The following CTSB variants were observed in gnomAD, a reference collection of about 807,000 sequenced individuals.
The protein encoded by CTSB is APP secretase.
Under a neutral mutation model 44.3 loss-of-function variants are expected in CTSB, and 57 were observed. The ratio of observed to expected loss-of-function variants is 1.29; its 90% CI spans 1.04 to 1.60. The LOEUF is 1.60. Among genes scored for constraint, CTSB ranks in the 40% most tolerant of loss-of-function variants. The pLI is 0.00. For synonymous variants in CTSB, 320 were observed against 168.0 expected (o/e 1.91, Z -7.00); for missense variants, 768 against 443.0 (o/e 1.73, Z -6.59).
In CTSB at chr8:11,845,769, C is replaced by A. The variant is rs756929729; in HGVS notation, c.814G>T (p.Gly272Ter). The A allele has an allele frequency of 1.9e-6, 3 of 1,613,800 alleles. No homozygotes were observed. The highest frequency in any genetic ancestry group is 1.3e-5 in the African/African-American group (1 of 74,912). ...ATGGCATGGCCACCCATCATCTCTCCGGTGACGTGTTGGTACACTCCTGAA... is the reference window on the plus strand; with the variant it reads ...ATGGCATGGCCACCCATCATCTCTCAGGTGACGTGTTGGTACACTCCTGAA... ...YKSGVYQHVT[G>*]EMMGGHAIRI... is the part of the protein sequence containing the mutation. Residue 272 changes from glycine to a stop codon, truncating the protein, a stop_gained, in exon 9 of 10, where the codon GGA becomes TGA. Transcript: ENST00000353047. LOFTEE classifies it high-confidence loss of function.
rs755324196 is a variant in CTSB, at chr8:11,845,655, A to G, written c.922+6T>C. ...TGTTCTTGGCAGGAAGGGGGCAGCC[A>G]CTCACCATTGTCACCCCAGTCAGTG... On this transcript the variant is annotated splice_donor_region_variant and intron_variant, in intron 9 of 9. Coordinates refer to ENST00000353047, the MANE Select transcript of CTSB (RefSeq NM_001908.5). 6.2e-7 allele frequency: 1 copy of G among 1,611,750 alleles called. No individual in the cohort carries two copies. The highest frequency in any genetic ancestry group is 8.5e-7 in the Non-Finnish European group (1 of 1,178,318).
intron 1 of CTSB, among the ~76,000 whole-genome samples, chr8:11,856,094 T>G (rs1051676883): frequency 6.6e-6 from 1 of 151,948 alleles, no homozygotes; most frequent in Non-Finnish European, 1.5e-5. Context: ...AAGGAGGTAT[T>G]CAGCATGTAT....
At chr8:11,846,623 A>T (rs533246584) in intron 8 of CTSB, among the ~76,000 whole-genome samples, 1 of 152,218 alleles carries the variant, frequency 6.6e-6, no homozygotes, top group Non-Finnish European at 1.5e-5. Context: ...AGGCCTTTGC[A>T]AAGAGAAAGA....
Position 11,852,628 on chromosome 8 carries a change from C to A in CTSB, c.194G>T (p.Gly65Val). The change falls in exon 3 of 10, where the codon GGG (glycine) becomes GTG (valine). Residue 65 changes from glycine (G) to valine (V), a missense_variant. Coordinates refer to ENST00000353047, the MANE Select transcript of CTSB (RefSeq NM_001908.5). ...LKRLCGTFLGGPKPPQRVMFT... is the reference protein window; with the variant it reads ...LKRLCGTFLGVPKPPQRVMFT... ...CACTCACCTCTGGGGTGGCTTGGGC[C>A]CACCCAGGAAGGTACCACATAGCCT... 6.2e-7 allele frequency: 1 copy of A among 1,613,822 alleles called. No homozygotes were observed. The highest frequency in any genetic ancestry group is 8.5e-7 in the Non-Finnish European group (1 of 1,179,988).
chr8:11,856,365 C>T (rs922935164), intron 1 of CTSB, among the ~76,000 whole-genome samples: 24 of 152,060 alleles, frequency 1.6e-4, no homozygotes, highest in African/African-American at 5.3e-4. Flanking sequence ...GGCACGGTGG[C>T]GCATGCCTGT....
chr8:11,848,103 CT>C lies in CTSB; in HGVS notation c.495del (p.Gly166AlafsTer12), dbSNP rs1813792144. ...PAEAWNFWTR[K>X]GLVSGGLYES... ...TCATAGAGGCCACCAGAAACCAGGC[CT>C]TTTCTTGTCCAGAAGTTCCAAGCTT... On this transcript the variant is annotated frameshift_variant, in exon 6 of 10. Transcript: ENST00000353047. LOFTEE classifies it high-confidence loss of function. 6.2e-7 allele frequency: 1 copy of C among 1,614,050 alleles called. No homozygotes were observed. The highest frequency in any genetic ancestry group is 1.1e-5 in the South Asian group (1 of 91,092).
chr8:11,866,266 G>A (rs1293309), intron 1 of CTSB, among the ~76,000 whole-genome samples: 39,367 of 152,100 alleles, frequency 0.26, 6,098 homozygotes, highest in East Asian at 0.47. Context: ...AGCACCACAT[G>A]GGCAGTTTCA....
At chr8:11,849,371 C>G (rs1207878404) in intron 4 of CTSB, 1 of 399,912 alleles carries the variant, frequency 2.5e-6, no homozygotes, top group Non-Finnish European at 4.8e-6. Context: ...GTCTTGAACT[C>G]CCGGGTTCAA....
intron 9 of CTSB, 43 bp downstream of exon 9, chr8:11,845,618 C>T: frequency 6.3e-7 from 1 of 1,598,350 alleles, no homozygotes; most frequent in Non-Finnish European, 8.6e-7. Context: ...CGGGGTGTGG[C>T]TCACAATTCA....
intron 1 of CTSB, chr8:11,862,290 C>G (rs1279064217): frequency 6.6e-6 from 1 of 152,060 alleles, no homozygotes; most frequent in African/African-American, 2.4e-5. Flanking sequence ...GAACAGATAC[C>G]CATCTCGCAA....
chr8:11,865,874 G>T (rs1429142573), intron 1 of CTSB, among the ~76,000 whole-genome samples: 1 of 149,722 alleles, frequency 6.7e-6, no homozygotes, highest in African/African-American at 2.5e-5. Flanking sequence ...AAAAAGCCAG[G>T]TGTGGTGATG....
At chr8:11,849,505 A>G (rs993530326) in intron 4 of CTSB, 7 of 181,382 alleles carry the variant, frequency 3.9e-5, no homozygotes, top group African/African-American at 1.4e-4. Context: ...CACCCCCGTG[A>G]ACCTCTGCCT....
intron 8 of CTSB, 78 bp downstream of exon 8, chr8:11,846,974 G>C: frequency 1.3e-6 from 1 of 785,416 alleles, no homozygotes; most frequent in Non-Finnish European, 2.2e-6. Flanking sequence ...CAGCCCTATT[G>C]GTCAACATGA....
chr8:11,857,064 C>A (rs555239238), intron 1 of CTSB, among the ~76,000 whole-genome samples: 27 of 152,316 alleles, frequency 1.8e-4, no homozygotes, highest in Admixed American at 4.6e-4. Context: ...CGCTCTGTGG[C>A]ACATGCTGGA....
rs909896399 is a variant in CTSB, at chr8:11,843,438, T to G, written c.*1687A>C. On this transcript the variant is annotated 3_prime_UTR_variant, in exon 10 of 10. Transcript: ENST00000353047. ...GGGAAGGGGAGTACTGAGGTGTACCTTGGCAGGACAGTGGAATGATTGCTG... is the reference window on the plus strand; with the variant it reads ...GGGAAGGGGAGTACTGAGGTGTACCGTGGCAGGACAGTGGAATGATTGCTG... 2 of 152,256 alleles carry G rather than the reference T, an allele frequency of 1.3e-5. No homozygotes were observed. Among genetic ancestry groups the G allele is most frequent in the African/African-American group, 4.8e-5 (2 of 41,462 alleles). The allele number at this position is 152,256 out of a possible 1,614,324, so 9.4% of individuals were successfully genotyped here. A position where few individuals can be genotyped will look rare whatever the true frequency, so the allele number is the denominator to read the frequency against.
chr8:11,847,265 G>A (rs1444910657), intron 7 of CTSB, 97 bp from the exon 8 acceptor site: 8 of 794,052 alleles, frequency 1.0e-5, no homozygotes, highest in Admixed American at 7.3e-5. Context: ...GGCCTCCAGG[G>A]GAAGACTGCA....
In CTSB at chr8:11,853,471, T is replaced by C. The variant is rs4543503; in HGVS notation, c.-17A>G. 6.2e-7 allele frequency: 1 copy of C among 1,609,660 alleles called. No individual in the cohort carries two copies. Among genetic ancestry groups the C allele is most frequent in the East Asian group, 2.2e-5 (1 of 44,726 alleles). On this transcript the variant is annotated 5_prime_UTR_variant, in exon 2 of 10. Transcript: ENST00000353047. The stretch of plus-strand genomic sequence containing the variant: ...CTGCCACATGTTGGAAGCCGGATCC[T>C]AGATCCACCTGGAGAGGACAGAGGG...
chr8:11,849,212 C>T (rs1402674197), intron 4 of CTSB, 48 bp from the exon 5 acceptor site: 2 of 1,515,536 alleles, frequency 1.3e-6, no homozygotes, highest in South Asian at 2.3e-5. Flanking sequence ...CCGGGCTGGG[C>T]CCTCTGCAGC....
In CTSB at chr8:11,847,689, G is replaced by T; in HGVS notation, c.666C>A (p.Asp222Glu). 6.4e-7 allele frequency: 1 copy of T among 1,568,842 alleles called. No homozygotes were observed. Among genetic ancestry groups the T allele is most frequent in the Non-Finnish European group, 8.6e-7 (1 of 1,160,500 alleles). The change falls in exon 7 of 10, where the codon GAC (aspartate) becomes GAA (glutamate). Residue 222 changes from aspartate to glutamate, a missense_variant. Physicochemically the swap from Asp to Glu is conservative, Grantham distance 45. Coordinates refer to ENST00000353047, the MANE Select transcript of CTSB (RefSeq NM_001908.5). Reference sequence around the variant, plus strand: ...CCCCAGGCCCCTTACCGTAGTGCTTGTCCTGTTTGTAGGTCGGGCTGTAGC... The same window carrying T: ...CCCCAGGCCCCTTACCGTAGTGCTTTTCCTGTTTGTAGGTCGGGCTGTAGC... Reference protein sequence around the residue: ...EPGYSPTYKQDKHYGYNSYSV... With the variant: ...EPGYSPTYKQEKHYGYNSYSV...
Sources: gnomAD v4.1 joint callset for allele counts (sites outside exome capture counted in the v4.1 genomes callset) on GRCh38, gnomAD v4.1.1 for gene constraint, MANE v1.5 for transcripts, NCBI Gene and HGNC (gene_info 2026-07-23, HGNC 2026-07-21) for gene names.